The following GSE1 variants were observed in gnomAD, a reference collection of about 807,000 sequenced individuals.
The protein encoded by GSE1 is Gse1 coiled-coil protein.
A neutral mutation model predicts 112.6 loss-of-function variants in GSE1; 32 were observed. The ratio of observed to expected loss-of-function variants is 0.28; its 90% CI spans 0.21 to 0.38. The LOEUF is 0.38. Ranked by LOEUF, GSE1 falls within the 10% of genes least tolerant of loss-of-function variation. GSE1 has a pLI of 1.00. For missense variants in GSE1, 2,348 were observed against 1,699.2 expected, an observed-to-expected ratio of 1.38 and a Z score of -6.71; for synonymous variants, 1,115 against 735.6, an observed-to-expected ratio of 1.52 and a Z score of -8.35.
At chr16:85,301,531 T>A (rs1465631641) in intron 1 of GSE1, among the ~76,000 whole-genome samples, 1 of 152,250 alleles carries the variant, frequency 6.6e-6, no homozygotes, top group Non-Finnish European at 1.5e-5. Context: ...CTGCCCTGCA[T>A]GGGCACCGGA....
chr16:85,169,581 C>A (rs1481628746), exon 1 of GSE1: 13 of 981,000 alleles, frequency 1.3e-5, no homozygotes, highest in Non-Finnish European at 1.5e-5. Context: ...CAGCCGTGGG[C>A]GAGCGGGCTG....
At chr16:85,426,093 G>T (rs572113995) in intron 2 of GSE1, among the ~76,000 whole-genome samples, 33 of 66,208 alleles carry the variant, frequency 5.0e-4, no homozygotes, top group African/African-American at 1.2e-3. Context: ...ATGGGTGAAT[G>T]AGAGGGAGGG....
chr16:85,474,310 T>C (rs370032278), intron 2 of GSE1, among the ~76,000 whole-genome samples: 3 of 152,060 alleles, frequency 2.0e-5, no homozygotes, highest in Non-Finnish European at 2.9e-5. Context: ...GATTGTCTTG[T>C]CTTTCTCCCA....
chr16:85,404,359 C>T (rs1329980862), intron 2 of GSE1, among the ~76,000 whole-genome samples: 2 of 56,672 alleles, frequency 3.5e-5, no homozygotes, highest in Non-Finnish European at 7.1e-5. Context: ...CCGTTACACT[C>T]AGGGCCCCCC....
At chr16:85,499,294 CCTTT>C (rs2051283338) in intron 2 of GSE1, among the ~76,000 whole-genome samples, 2 of 118,912 alleles carry the variant, frequency 1.7e-5, no homozygotes, top group Non-Finnish European at 1.7e-5. Context: ...AGGAAAGTCA[CCTTT>C]TTTTTTTTTT....
At position 85,668,424 on chromosome 16, in the gene GSE1, G is replaced by C. The variant is rs2053059432; in HGVS notation, c.3415G>C (p.Glu1139Gln). The C allele has an allele frequency of 1.9e-6, 3 of 1,593,612 alleles. No homozygotes were observed. The highest frequency in any genetic ancestry group is 2.6e-6 in the Non-Finnish European group (3 of 1,170,740). Reference sequence around the variant, plus strand: ...TGAAGCTTACCAGGAACACATAGAAGGTAAGGGGGTGCTGGGGAAGAGGGG... The same window carrying C: ...TGAAGCTTACCAGGAACACATAGAACGTAAGGGGGTGCTGGGGAAGAGGGG... ...VFEAYQEHIE[E>Q]QNLERQVLQT... The change falls in exon 14 of 16, where the codon GAG becomes CAG. Residue 1139 changes from glutamate to glutamine, a missense_variant and splice_region_variant. Transcript: ENST00000253458.
At chr16:85,371,931 A>G (rs1031051246) in intron 2 of GSE1, among the ~76,000 whole-genome samples, 1 of 152,198 alleles carries the variant, frequency 6.6e-6, no homozygotes, top group Non-Finnish European at 1.5e-5. Flanking sequence ...GAGAGGAGCC[A>G]GGCAGCCCTG....
At chr16:85,171,975 G>T (rs1375046840) in intron 1 of GSE1, among the ~76,000 whole-genome samples, 1 of 152,238 alleles carries the variant, frequency 6.6e-6, no homozygotes, top group African/African-American at 2.4e-5. Context: ...CTGGTGCTTG[G>T]TGGGTACGTT....
intron 13 of GSE1, among the ~76,000 whole-genome samples, chr16:85,667,809 G>C (rs1403510103): frequency 6.6e-6 from 1 of 152,178 alleles, no homozygotes; most frequent in Non-Finnish European, 1.5e-5. Context: ...AGTGAGCCGA[G>C]ATCACGCCAT....
upstream of GSE1, among the ~76,000 whole-genome samples, chr16:85,554,507 A>G (rs1420981199): frequency 6.6e-6 from 1 of 151,958 alleles, no homozygotes; most frequent in African/African-American, 2.4e-5. Flanking sequence ...CAGTGCAGGG[A>G]GAGTGTGGGA....
intron 2 of GSE1, among the ~76,000 whole-genome samples, chr16:85,646,798 G>A (rs973351142): frequency 7.9e-5 from 12 of 151,930 alleles, no homozygotes; most frequent in African/African-American, 2.9e-4. Flanking sequence ...CCAGGCAGCA[G>A]AGCTTCTGGA....
chr16:85,500,998 GTTT>G (rs55650214), intron 2 of GSE1, among the ~76,000 whole-genome samples: 3 of 64,826 alleles, frequency 4.6e-5, no homozygotes, highest in African/African-American at 6.6e-5. Flanking sequence ...GGCCTGTTCT[GTTT>G]TTTTTTTTTT....
At chr16:85,663,884 C>G (rs985536944) in intron 11 of GSE1, among the ~76,000 whole-genome samples, 2 of 152,252 alleles carry the variant, frequency 1.3e-5, no homozygotes, top group Admixed American at 6.5e-5. Context: ...CCCGAGAAGG[C>G]GCTCTTTGAG....
At chr16:85,479,588 G>C (rs2050609166) in intron 2 of GSE1, among the ~76,000 whole-genome samples, 1 of 152,188 alleles carries the variant, frequency 6.6e-6, no homozygotes, top group African/African-American at 2.4e-5. Flanking sequence ...ACAGGTGTGA[G>C]CCACCGTGCC....
chr16:85,569,835 G>A (rs1044058081), intron 1 of GSE1, among the ~76,000 whole-genome samples: 1 of 152,194 alleles, frequency 6.6e-6, no homozygotes, highest in Admixed American at 6.5e-5. Context: ...TCTCCGGGGG[G>A]CCTTGCACCT....
At chr16:85,554,415 G>T (rs1232312211), upstream of GSE1, among the ~76,000 whole-genome samples, 1 of 152,156 alleles carries the variant, frequency 6.6e-6, no homozygotes, top group Non-Finnish European at 1.5e-5. Context: ...CTATGGTGCA[G>T]CCGGGGCTTG....
At chr16:85,300,754 G>A (rs972719435) in intron 1 of GSE1, among the ~76,000 whole-genome samples, 2 of 152,168 alleles carry the variant, frequency 1.3e-5, no homozygotes, top group African/African-American at 4.8e-5. Flanking sequence ...CTCGGCTTCC[G>A]CTTCCAGTCT....
chr16:85,180,103 G>A (rs1190235664), intron 1 of GSE1, among the ~76,000 whole-genome samples: 3 of 152,268 alleles, frequency 2.0e-5, no homozygotes, highest in Non-Finnish European at 2.9e-5. Context: ...CCTGCCTGGG[G>A]TCTGGTTGCC....
At chr16:85,181,337 G>C (rs2074579206) in intron 1 of GSE1, among the ~76,000 whole-genome samples, 1 of 152,234 alleles carries the variant, frequency 6.6e-6, no homozygotes, top group Non-Finnish European at 1.5e-5. Context: ...AAACTTAAGA[G>C]AGTTCGGGGT....
Sources: allele counts gnomAD v4.1 joint callset (sites outside exome capture counted in the v4.1 genomes callset), GRCh38; gene constraint gnomAD v4.1.1; transcripts MANE v1.5; gene names NCBI Gene and HGNC (gene_info 2026-07-23, HGNC 2026-07-21).